DGKB: variants seen among roughly 807,000 people sequenced by gnomAD.
DGKB encodes 90 kDa diacylglycerol kinase.
Under a neutral mutation model 114.3 loss-of-function variants are expected in DGKB, and 67 were observed. That is an observed-to-expected ratio of 0.59 (90% CI 0.48 to 0.72). The LOEUF (loss-of-function observed/expected upper bound fraction) is 0.72, where lower values mean the gene tolerates loss of function less well. DGKB is among the 30% of genes least tolerant of loss of function. DGKB has a pLI of 0.00. For missense variants in DGKB, 907 were observed against 975.2 expected, an observed-to-expected ratio of 0.93 and a Z score of 0.93; for synonymous variants, 398 against 323.1, an observed-to-expected ratio of 1.23 and a Z score of -2.49.
At chr7:14,962,237 T>C (rs1786889142) in intron 1 of DGKB, among the ~76,000 whole-genome samples, 1 of 152,158 alleles carries the variant, frequency 6.6e-6, no homozygotes, top group African/African-American at 2.4e-5. Context: ...CTGAGTACCA[T>C]TTCTTCAATT....
At chr7:14,795,746 A>C (rs1841316123) in intron 2 of DGKB, among the ~76,000 whole-genome samples, 1 of 152,100 alleles carries the variant, frequency 6.6e-6, no homozygotes, top group African/African-American at 2.4e-5. Flanking sequence ...GAAGAGTCTG[A>C]TATGTTGACC....
intron 19 of DGKB, 54 bp from the exon 20 acceptor site, chr7:14,574,426 T>C (rs1798826957): frequency 6.8e-7 from 1 of 1,475,078 alleles, no homozygotes. Flanking sequence ...ATAAAAAAGC[T>C]GTATTTTTAT....
intron 20 of DGKB, among the ~76,000 whole-genome samples, chr7:14,500,622 A>G (rs1786015500): frequency 6.6e-6 from 1 of 151,838 alleles, no homozygotes; most frequent in African/African-American, 2.4e-5. Context: ...AATAAAAAGT[A>G]AATAATACCT....
intron 1 of DGKB, among the ~76,000 whole-genome samples, chr7:14,892,960 G>GTA (rs377537298): frequency 6.0e-5 from 9 of 149,750 alleles, no homozygotes; most frequent in Non-Finnish European, 1.3e-4. Flanking sequence ...ATATGTGTGT[G>GTA]TATATATACA....
chr7:14,540,540 T>C (rs1470160558), intron 20 of DGKB, among the ~76,000 whole-genome samples: 1 of 152,210 alleles, frequency 6.6e-6, no homozygotes, highest in Non-Finnish European at 1.5e-5. Context: ...CATACTTTTC[T>C]GTTTTGACTG....
intron 20 of DGKB, among the ~76,000 whole-genome samples, chr7:14,509,097 C>A (rs1283559447): frequency 1.1e-4 from 17 of 152,066 alleles, no homozygotes; most frequent in Non-Finnish European, 7.4e-5. Context: ...GATTGGACAC[C>A]ATACTGCCAT....
At chr7:14,556,383 T>C (rs1366727042) in intron 20 of DGKB, among the ~76,000 whole-genome samples, 1 of 152,130 alleles carries the variant, frequency 6.6e-6, no homozygotes, top group Non-Finnish European at 1.5e-5. Flanking sequence ...GATGAATATT[T>C]ATTACATATA....
At chr7:14,910,894 G>T (rs1365629274) in intron 1 of DGKB, among the ~76,000 whole-genome samples, 1 of 151,982 alleles carries the variant, frequency 6.6e-6, no homozygotes, top group Non-Finnish European at 1.5e-5. Context: ...TTTTATATTA[G>T]CTTTAAATGA....
chr7:14,852,756 C>G (rs1849583245), intron 1 of DGKB, among the ~76,000 whole-genome samples: 1 of 152,132 alleles, frequency 6.6e-6, no homozygotes, highest in South Asian at 2.1e-4. Flanking sequence ...TCTATCTGAC[C>G]TGGGGCTTTT....
intron 21 of DGKB, among the ~76,000 whole-genome samples, chr7:14,475,201 C>G (rs1781987921): frequency 1.3e-5 from 2 of 152,076 alleles, no homozygotes; most frequent in Admixed American, 6.6e-5. Context: ...GACAAGAGAT[C>G]TGATCTGAAA....
chr7:14,873,874 C>T (rs1478360706), intron 1 of DGKB, among the ~76,000 whole-genome samples: 5 of 151,956 alleles, frequency 3.3e-5, no homozygotes, highest in Non-Finnish European at 4.4e-5. Context: ...GTATGTATTA[C>T]ATTGGTATCC....
At chr7:14,237,982 T>C (rs980835944) in intron 23 of DGKB, among the ~76,000 whole-genome samples, 5 of 152,070 alleles carry the variant, frequency 3.3e-5, no homozygotes, top group African/African-American at 1.2e-4. Flanking sequence ...AATATTATTT[T>C]TGTATTAACA....
intron 23 of DGKB, among the ~76,000 whole-genome samples, chr7:14,335,813 G>A (rs1810546316): frequency 6.6e-6 from 1 of 152,128 alleles, no homozygotes; most frequent in South Asian, 2.1e-4. Context: ...AGGTGCAGTG[G>A]CGCAATCATA....
intron 21 of DGKB, among the ~76,000 whole-genome samples, chr7:14,469,830 G>C (rs943642224): frequency 4.0e-5 from 6 of 151,880 alleles, no homozygotes; most frequent in African/African-American, 1.5e-4. Context: ...ATAATTGTAA[G>C]AGATTTATAT....
chr7:14,397,342 G>A (rs1003419927), intron 21 of DGKB, among the ~76,000 whole-genome samples: 2 of 152,118 alleles, frequency 1.3e-5, no homozygotes, highest in Non-Finnish European at 2.9e-5. Flanking sequence ...CTGTTAACAT[G>A]TGGACTATTT....
At chr7:14,415,097 G>T (rs553063173) in intron 21 of DGKB, among the ~76,000 whole-genome samples, 94 of 151,670 alleles carry the variant, frequency 6.2e-4, no homozygotes, top group African/African-American at 2.2e-3. Flanking sequence ...ATAAGCATAT[G>T]AAATAATGAA....
chr7:14,952,752 C>A (rs1394376367), intron 1 of DGKB, among the ~76,000 whole-genome samples: 1 of 151,936 alleles, frequency 6.6e-6, no homozygotes, highest in Non-Finnish European at 1.5e-5. Flanking sequence ...AAGCGAGACT[C>A]TGTCTCAAAA....
chr7:14,425,833 A>G (rs999160622), intron 21 of DGKB, among the ~76,000 whole-genome samples: 2 of 152,162 alleles, frequency 1.3e-5, no homozygotes, highest in Non-Finnish European at 2.9e-5. Context: ...GTCTCATAGC[A>G]TATACAAAAA....
chr7:14,861,299 T>G (rs1454400861), intron 1 of DGKB, among the ~76,000 whole-genome samples: 1 of 150,094 alleles, frequency 6.7e-6, no homozygotes, highest in Non-Finnish European at 1.5e-5. Context: ...ACTACATAGA[T>G]TTTTTGAGTA....
Sources: allele counts gnomAD v4.1 joint callset (sites outside exome capture counted in the v4.1 genomes callset), GRCh38; gene constraint gnomAD v4.1.1; transcripts MANE v1.5; gene names NCBI Gene and HGNC (gene_info 2026-07-23, HGNC 2026-07-21).